The following CELF2 variants were observed in gnomAD, a reference collection of about 807,000 sequenced individuals.
CELF2 encodes CUGBP Elav-like family member 2.
Under a neutral mutation model 62.6 loss-of-function variants are expected in CELF2, and 8 were observed. That is an observed-to-expected ratio of 0.13 (90% CI 0.07 to 0.23). CELF2 has a LOEUF of 0.23. CELF2 is among the 10% of genes least tolerant of loss of function. The pLI, the probability that CELF2 is intolerant of heterozygous loss-of-function variation, is 1.00. For missense variants in CELF2, 333 were observed against 671.0 expected (o/e 0.50, Z 5.56); for synonymous variants, 258 against 250.0 (o/e 1.03, Z -0.30).
chr10:10,939,803 A>C (rs2135419970), intron 2 of CELF2, among the ~76,000 whole-genome samples: 1 of 151,862 alleles, frequency 6.6e-6, no homozygotes, highest in Non-Finnish European at 1.5e-5. Context: ...AAATACAAAA[A>C]ATTAGCCGGG....
At position 10,919,812 on chromosome 10, in the gene CELF2, T is replaced by C. The variant is rs17149119; in HGVS notation, c.54-152T>C. Among the ~76,000 whole-genome samples the C allele has an allele frequency of 7.3e-3, 1,115 of 152,358 alleles. 20 individuals carry two copies. Among genetic ancestry groups the C allele is most frequent in the East Asian group, 0.035 (181 of 5,188 alleles). ...ATGATCAATGGGAATTAATCAGAAA[T>C]GCAATTAATCAATTTTAACTTTCTA... On this transcript the variant is annotated intron_variant, in intron 1 of 13. Coordinates refer to the CELF2 transcript ENST00000636488.
At chr10:10,752,533 C>CA in the CELF2 span, among the ~76,000 whole-genome samples, 1 of 150,996 alleles carries the variant, frequency 6.6e-6, no homozygotes, top group Non-Finnish European at 1.5e-5. Flanking sequence ...TACTAAAATA[C>CA]AAAAAAATTA....
chr10:11,079,853 C>T (rs919980585), intron 1 of CELF2, among the ~76,000 whole-genome samples: 32 of 151,840 alleles, frequency 2.1e-4, no homozygotes, highest in African/African-American at 7.5e-4. Context: ...AGTATCATCA[C>T]ATATGATCAG....
chr10:10,659,092 C>G, the CELF2 span, among the ~76,000 whole-genome samples: 2 of 152,102 alleles, frequency 1.3e-5, no homozygotes, highest in Non-Finnish European at 2.9e-5. Context: ...TACCTAGACC[C>G]TTGTTGTAGA....
chr10:10,864,843 A>G (rs897163982), intron 1 of CELF2, among the ~76,000 whole-genome samples: 4 of 152,142 alleles, frequency 2.6e-5, no homozygotes, highest in African/African-American at 9.7e-5. Flanking sequence ...TTTTTCCCTC[A>G]GGGAAAGCTT....
chr10:10,612,198 G>A, the CELF2 span, among the ~76,000 whole-genome samples: 1 of 152,086 alleles, frequency 6.6e-6, no homozygotes, highest in Non-Finnish European at 1.5e-5. Context: ...AAATCTCATT[G>A]AGGAAAAAAA....
At chr10:10,669,878 G>A in the CELF2 span, among the ~76,000 whole-genome samples, 1 of 149,412 alleles carries the variant, frequency 6.7e-6, no homozygotes, top group Non-Finnish European at 1.5e-5. Flanking sequence ...CTTGTAGGAA[G>A]GGACTGAGTC....
At chr10:10,664,093 G>A in the CELF2 span, among the ~76,000 whole-genome samples, 2 of 152,178 alleles carry the variant, frequency 1.3e-5, no homozygotes, top group African/African-American at 4.8e-5. Flanking sequence ...TTCAAAACCT[G>A]AGTGAAAGAT....
intron 1 of CELF2, among the ~76,000 whole-genome samples, chr10:11,057,701 C>G (rs550387618): frequency 1.3e-5 from 2 of 152,108 alleles, no homozygotes; most frequent in Admixed American, 6.5e-5. Context: ...AAGGATGTAA[C>G]GTGGGGATGG....
the CELF2 span, among the ~76,000 whole-genome samples, chr10:10,511,353 A>G: frequency 5.3e-5 from 8 of 152,184 alleles, no homozygotes; most frequent in African/African-American, 1.7e-4. Context: ...TGGAGGTTGC[A>G]GTGAGCTGAG....
chr10:11,149,941 A>C (rs975786020), intron 1 of CELF2, among the ~76,000 whole-genome samples: 1 of 152,232 alleles, frequency 6.6e-6, no homozygotes, highest in Non-Finnish European at 1.5e-5. Context: ...GATTCTATGG[A>C]CACAGAAAAG....
At chr10:10,468,224 C>G in the CELF2 span, among the ~76,000 whole-genome samples, 1 of 151,956 alleles carries the variant, frequency 6.6e-6, no homozygotes, top group African/African-American at 2.4e-5. Flanking sequence ...CACTCTTATA[C>G]AATAAACAGA....
chr10:10,876,646 C>G (rs1360191189), intron 1 of CELF2, among the ~76,000 whole-genome samples: 1 of 152,144 alleles, frequency 6.6e-6, no homozygotes, highest in Admixed American at 6.5e-5. Flanking sequence ...CGTCAAAATG[C>G]CTCTTTACTG....
At chr10:10,654,801 A>G in the CELF2 span, among the ~76,000 whole-genome samples, 1 of 149,934 alleles carries the variant, frequency 6.7e-6, no homozygotes, top group Non-Finnish European at 1.5e-5. Flanking sequence ...CCCTTTGAAA[A>G]CTGGCACAGG....
upstream of CELF2, among the ~76,000 whole-genome samples, chr10:10,793,570 C>A (rs1039859823): frequency 1.8e-4 from 28 of 152,190 alleles, no homozygotes; most frequent in Admixed American, 1.3e-4. Flanking sequence ...AGTTTCAATG[C>A]TTCTCAACAC....
At chr10:10,992,894 A>T (rs2053581624) in intron 2 of CELF2, among the ~76,000 whole-genome samples, 1 of 152,220 alleles carries the variant, frequency 6.6e-6, no homozygotes, top group Non-Finnish European at 1.5e-5. Flanking sequence ...ATAGTTAACA[A>T]GGAAAGATGG....
At chr10:10,542,459 A>T in the CELF2 span, among the ~76,000 whole-genome samples, 1 of 152,218 alleles carries the variant, frequency 6.6e-6, no homozygotes, top group Non-Finnish European at 1.5e-5. Context: ...AACTGCAAAG[A>T]AGGCAGCCAC....
chr10:10,517,782 T>C, the CELF2 span, among the ~76,000 whole-genome samples: 5 of 152,146 alleles, frequency 3.3e-5, no homozygotes, highest in South Asian at 2.1e-4. Context: ...CTGAAGCTTG[T>C]CCAAAAGCAA....
At chr10:10,620,917 C>CAAAA in the CELF2 span, among the ~76,000 whole-genome samples, 7 of 35,804 alleles carry the variant, frequency 2.0e-4, no homozygotes, top group Non-Finnish European at 2.7e-4. Context: ...GACCCCATCT[C>CAAAA]AAAAAAAAAA....
Sources: gnomAD v4.1 joint callset for allele counts (sites outside exome capture counted in the v4.1 genomes callset) on GRCh38, gnomAD v4.1.1 for gene constraint, MANE v1.5 for transcripts, NCBI Gene and HGNC (gene_info 2026-07-23, HGNC 2026-07-21) for gene names.